TENM3: variants seen among roughly 807,000 people sequenced by gnomAD.
TENM3 encodes the protein teneurin transmembrane protein 3.
In TENM3, 63 loss-of-function variants were observed where a neutral mutation model predicts 255.1. The observed-to-expected ratio is 0.25, with a 90% CI of 0.20 to 0.30. TENM3 has a LOEUF of 0.30. Among genes scored for constraint, TENM3 ranks in the 10% least tolerant of loss-of-function variants. The pLI, the probability that TENM3 is intolerant of heterozygous loss-of-function variation, is 1.00. For synonymous variants in TENM3, 1,306 were observed against 1,322.3 expected (o/e 0.99, Z 0.27); for missense variants, 2,929 against 3,461.1 (o/e 0.85, Z 3.86).
At chr4:181,891,726 G>T in the TENM3 span, among the ~76,000 whole-genome samples, 20 of 152,146 alleles carry the variant, frequency 1.3e-4, no homozygotes, top group Non-Finnish European at 2.6e-4. Flanking sequence ...TACAGAACAC[G>T]TCCAATCAGG....
At chr4:182,422,355 G>A (rs536617361) in intron 3 of TENM3, among the ~76,000 whole-genome samples, 1 of 152,204 alleles carries the variant, frequency 6.6e-6, no homozygotes, top group South Asian at 2.1e-4. Context: ...GACATGGAAG[G>A]CGTAACCGCG....
chr4:182,025,129 C>T, the TENM3 span, among the ~76,000 whole-genome samples: 3 of 150,792 alleles, frequency 2.0e-5, no homozygotes, highest in Admixed American at 6.6e-5. Flanking sequence ...TGCGGGTTCA[C>T]GCCATTCTCC....
the TENM3 span, among the ~76,000 whole-genome samples, chr4:181,504,499 T>G: frequency 6.6e-6 from 1 of 152,168 alleles, no homozygotes; most frequent in Non-Finnish European, 1.5e-5. Context: ...TACCTCTTCT[T>G]CTATTTTCTC....
intron 3 of TENM3, among the ~76,000 whole-genome samples, chr4:182,414,339 A>G (rs1770214835): frequency 6.6e-6 from 1 of 152,120 alleles, no homozygotes; most frequent in Non-Finnish European, 1.5e-5. Flanking sequence ...TTTATCCCTC[A>G]TTGTGTATGT....
chr4:182,016,918 T>C, the TENM3 span, among the ~76,000 whole-genome samples: 1 of 152,198 alleles, frequency 6.6e-6, no homozygotes, highest in Admixed American at 6.5e-5. Context: ...TAATTTAAAA[T>C]GTAAAAAAGA....
intron 12 of TENM3, among the ~76,000 whole-genome samples, chr4:182,703,682 A>G (rs1758063346): frequency 6.6e-6 from 1 of 152,216 alleles, no homozygotes; most frequent in Non-Finnish European, 1.5e-5. Context: ...ATAAATCATA[A>G]TGTATCCTAG....
intron 3 of TENM3, among the ~76,000 whole-genome samples, chr4:182,497,939 A>C (rs1168202592): frequency 6.7e-6 from 1 of 149,852 alleles, no homozygotes; most frequent in Admixed American, 6.6e-5. Context: ...TGTACATGTA[A>C]CTCCTCCAGA....
chr4:182,564,420 C>T (rs1743548557), intron 3 of TENM3, among the ~76,000 whole-genome samples: 1 of 152,136 alleles, frequency 6.6e-6, no homozygotes, highest in African/African-American at 2.4e-5. Context: ...TCCCAAAGTG[C>T]TGGGATTACA....
chr4:182,188,955 G>A (rs1003992443), intron 1 of TENM3, among the ~76,000 whole-genome samples: 2 of 151,994 alleles, frequency 1.3e-5, no homozygotes, highest in Non-Finnish European at 2.9e-5. Flanking sequence ...GTATAATTGA[G>A]AGGATTATGT....
At chr4:182,167,847 G>A (rs569684520) in intron 1 of TENM3, among the ~76,000 whole-genome samples, 1 of 152,148 alleles carries the variant, frequency 6.6e-6, no homozygotes, top group South Asian at 2.1e-4. Context: ...TCATGCCACT[G>A]TGCTCCAGCC....
chr4:182,071,449 CTT>C, the TENM3 span, among the ~76,000 whole-genome samples: 2 of 139,444 alleles, frequency 1.4e-5, no homozygotes, highest in Non-Finnish European at 3.1e-5. Flanking sequence ...TTTTTCTTTT[CTT>C]TTTTTTTTTT....
At chr4:181,586,317 C>G in the TENM3 span, among the ~76,000 whole-genome samples, 2 of 152,120 alleles carry the variant, frequency 1.3e-5, no homozygotes, top group African/African-American at 4.8e-5. Flanking sequence ...GAGGAAATCC[C>G]CAGACCTGAA....
At chr4:181,758,002 G>A in the TENM3 span, among the ~76,000 whole-genome samples, 2 of 152,020 alleles carry the variant, frequency 1.3e-5, no homozygotes, top group Non-Finnish European at 2.9e-5. Flanking sequence ...CCCTTCTCCA[G>A]CCCTAAGCCA....
chr4:182,703,600 T>G (rs1758054379), intron 12 of TENM3, among the ~76,000 whole-genome samples: 1 of 152,230 alleles, frequency 6.6e-6, no homozygotes, highest in Non-Finnish European at 1.5e-5. Flanking sequence ...TACTCTCACC[T>G]ACAAATACAG....
chr4:182,636,600 C>A (rs1751860680), intron 5 of TENM3, among the ~76,000 whole-genome samples: 1 of 151,882 alleles, frequency 6.6e-6, no homozygotes, highest in Non-Finnish European at 1.5e-5. Context: ...ACCTGTAGTC[C>A]CAGCTACTCG....
At position 182,527,231 on chromosome 4, in the gene TENM3, C is replaced by T. The variant is rs545234643; in HGVS notation, c.512-73693C>T. Among the ~76,000 whole-genome samples, 3 of 152,262 alleles carry T rather than the reference C, an allele frequency of 2.0e-5. No individual in the cohort carries two copies. In the East Asian group the frequency reaches 5.8e-4, roughly 29 times the overall value. On this transcript the variant is annotated intron_variant, in intron 3 of 27. Transcript: ENST00000511685. The stretch of plus-strand genomic sequence containing the variant: ...TATTTGTTGCCTACCTTATTTCCTC[C>T]AATTTTGAAACATACTTTTGTTTTT...
the TENM3 span, among the ~76,000 whole-genome samples, chr4:181,791,192 C>A: frequency 6.6e-6 from 1 of 152,080 alleles, no homozygotes; most frequent in Non-Finnish European, 1.5e-5. Context: ...GATAGTGGTC[C>A]GGAGAAACAC....
chr4:182,779,230 C>T (rs965667938), intron 24 of TENM3, among the ~76,000 whole-genome samples: 7 of 151,706 alleles, frequency 4.6e-5, no homozygotes, highest in African/African-American at 1.7e-4. Context: ...ACAACAGTCC[C>T]CAGAGTGTGA....
chr4:181,595,056 A>C, the TENM3 span, among the ~76,000 whole-genome samples: 1 of 152,126 alleles, frequency 6.6e-6, no homozygotes. Context: ...AACTACTGAA[A>C]CAGTCCCTGT....
Sources: gnomAD v4.1 joint callset for allele counts (sites outside exome capture counted in the v4.1 genomes callset) on GRCh38, gnomAD v4.1.1 for gene constraint, MANE v1.5 for transcripts, NCBI Gene and HGNC (gene_info 2026-07-23, HGNC 2026-07-21) for gene names.